DYNC1I1: variants seen among roughly 807,000 people sequenced by gnomAD.
DYNC1I1 encodes cytoplasmic dynein 1 intermediate chain 1.
Under a neutral mutation model 86.6 loss-of-function variants are expected in DYNC1I1, and 43 were observed. The ratio of observed to expected loss-of-function variants is 0.50; its 90% CI spans 0.39 to 0.64. The LOEUF (loss-of-function observed/expected upper bound fraction) is 0.64. Among genes scored for constraint, DYNC1I1 ranks in the 30% least tolerant of loss-of-function variants. The pLI is 0.00. For missense variants in DYNC1I1, 604 were observed against 788.8 expected, an observed-to-expected ratio of 0.77 and a Z score of 2.81; for synonymous variants, 262 against 283.7, an observed-to-expected ratio of 0.92 and a Z score of 0.77.
intron 10 of DYNC1I1, among the ~76,000 whole-genome samples, chr7:96,014,991 T>G (rs1210597254): frequency 6.6e-6 from 1 of 152,150 alleles, no homozygotes; most frequent in Non-Finnish European, 1.5e-5. Flanking sequence ...CCTTCCTTTT[T>G]TTCAACTCCT....
chr7:95,992,682 C>T (rs1289546299), intron 9 of DYNC1I1, among the ~76,000 whole-genome samples: 1 of 151,918 alleles, frequency 6.6e-6, no homozygotes, highest in African/African-American at 2.4e-5. Context: ...TGCAGTGGTG[C>T]ACTCTTAGCT....
At chr7:95,840,464 T>C (rs1789250627) in intron 5 of DYNC1I1, among the ~76,000 whole-genome samples, 1 of 152,226 alleles carries the variant, frequency 6.6e-6, no homozygotes, top group Non-Finnish European at 1.5e-5. Flanking sequence ...GATTCTCACA[T>C]TGTTCATGCA....
intron 10 of DYNC1I1, among the ~76,000 whole-genome samples, chr7:95,996,477 A>T (rs1374369062): frequency 6.6e-6 from 1 of 152,188 alleles, no homozygotes; most frequent in Non-Finnish European, 1.5e-5. Flanking sequence ...GATTTTGCTG[A>T]CTTTAAGTTT....
At chr7:95,841,588 A>T (rs887836450) in intron 5 of DYNC1I1, among the ~76,000 whole-genome samples, 1 of 151,880 alleles carries the variant, frequency 6.6e-6, no homozygotes, top group Non-Finnish European at 1.5e-5. Flanking sequence ...CAAGCAGCAG[A>T]TGAAAAAAAT....
chr7:95,897,040 G>A (rs1790899500), intron 6 of DYNC1I1, among the ~76,000 whole-genome samples: 1 of 152,182 alleles, frequency 6.6e-6, no homozygotes, highest in Non-Finnish European at 1.5e-5. Context: ...AAAGTTGATA[G>A]ACCAGGATTT....
intron 9 of DYNC1I1, among the ~76,000 whole-genome samples, chr7:95,987,780 A>C (rs1332865457): frequency 6.6e-6 from 1 of 152,186 alleles, no homozygotes; most frequent in Non-Finnish European, 1.5e-5. Context: ...GTCCCATAGA[A>C]TCTTAAATGA....
intron 6 of DYNC1I1, among the ~76,000 whole-genome samples, chr7:95,882,208 G>A (rs1053591495): frequency 6.6e-6 from 1 of 152,026 alleles, no homozygotes; most frequent in Non-Finnish European, 1.5e-5. Context: ...TGACAAAATG[G>A]TTGGAAAAAA....
intron 6 of DYNC1I1, among the ~76,000 whole-genome samples, chr7:95,932,402 A>G (rs1791922481): frequency 6.6e-6 from 1 of 152,212 alleles, no homozygotes. Context: ...CAAACATGAC[A>G]GTGGGCATTA....
intron 14 of DYNC1I1, among the ~76,000 whole-genome samples, chr7:96,047,875 A>G (rs1318996685): frequency 6.6e-6 from 1 of 152,198 alleles, no homozygotes; most frequent in Non-Finnish European, 1.5e-5. Flanking sequence ...AAGCTATTGG[A>G]ATAAAAATTA....
At chr7:95,954,894 C>A in intron 6 of DYNC1I1, among the ~76,000 whole-genome samples, 1 of 106,914 alleles carries the variant, frequency 9.4e-6, no homozygotes, top group African/African-American at 3.7e-5. Flanking sequence ...CCAGCCTGGG[C>A]AACAGAGCAA....
At chr7:95,932,819 TAC>T (rs1232689201) in intron 6 of DYNC1I1, among the ~76,000 whole-genome samples, 1 of 152,124 alleles carries the variant, frequency 6.6e-6, no homozygotes, top group Admixed American at 6.5e-5. Flanking sequence ...GCATAAGACT[TAC>T]AGTAGCACAT....
intron 4 of DYNC1I1, among the ~76,000 whole-genome samples, chr7:95,819,689 G>A (rs1795031581): frequency 6.6e-6 from 1 of 152,154 alleles, no homozygotes; most frequent in Admixed American, 6.5e-5. Flanking sequence ...TATATAAAGA[G>A]AGATTGACAG....
intron 6 of DYNC1I1, among the ~76,000 whole-genome samples, chr7:95,939,418 T>A (rs1369062701): frequency 2.3e-4 from 35 of 152,240 alleles, no homozygotes; most frequent in African/African-American, 7.7e-4. Context: ...CCCATTATTA[T>A]TGTGTGGGAG....
At chr7:95,850,237 A>G (rs1459030538) in intron 5 of DYNC1I1, among the ~76,000 whole-genome samples, 1 of 152,154 alleles carries the variant, frequency 6.6e-6, no homozygotes, top group Non-Finnish European at 1.5e-5. Context: ...GACTTCCAGG[A>G]CTATGCTGAA....
intron 6 of DYNC1I1, among the ~76,000 whole-genome samples, chr7:95,903,490 AAAAT>A (rs1562939044): frequency 6.6e-6 from 1 of 152,208 alleles, no homozygotes. Flanking sequence ...AAAAGTGAAG[AAAAT>A]AAGTGGAGCT....
intron 14 of DYNC1I1, among the ~76,000 whole-genome samples, chr7:96,063,465 C>G (rs1789855719): frequency 6.6e-6 from 1 of 152,204 alleles, no homozygotes; most frequent in South Asian, 2.1e-4. Context: ...GAAATGCATC[C>G]TCTCATAGTT....
Position 95,840,243 on chromosome 7 carries a change from T to C in DYNC1I1, c.374+12127T>C, listed in dbSNP as rs1314932258. Among the ~76,000 whole-genome samples, 5 of 151,904 alleles carry C rather than the reference T, an allele frequency of 3.3e-5. No individual in the cohort carries two copies. In the East Asian group the frequency reaches 9.6e-4, roughly 29 times the overall value. On this transcript the variant is annotated intron_variant, in intron 5 of 16. Coordinates refer to ENST00000447467, the MANE Select transcript of DYNC1I1 (RefSeq NM_001135556.2). Reference sequence around the variant, plus strand: ...ATGTTACCCTGTAATTCTCTTAATATATCTTCACTGTTTTTTATTCTTTTT... The same window carrying C: ...ATGTTACCCTGTAATTCTCTTAATACATCTTCACTGTTTTTTATTCTTTTT...
At chr7:95,846,843 A>G (rs1235258392) in intron 5 of DYNC1I1, among the ~76,000 whole-genome samples, 1 of 152,208 alleles carries the variant, frequency 6.6e-6, no homozygotes, top group African/African-American at 2.4e-5. Context: ...CTGTCATTGT[A>G]AAATGTCTGT....
intron 13 of DYNC1I1, among the ~76,000 whole-genome samples, 197 bp downstream of exon 13, chr7:96,035,949 T>C (rs958947067): frequency 1.3e-5 from 2 of 152,160 alleles, no homozygotes; most frequent in African/African-American, 2.4e-5. Context: ...TGGTTCACAC[T>C]GCCTTGAGGG....
Sources: allele counts gnomAD v4.1 joint callset (sites outside exome capture counted in the v4.1 genomes callset), GRCh38; gene constraint gnomAD v4.1.1; transcripts MANE v1.5; gene names NCBI Gene and HGNC (gene_info 2026-07-23, HGNC 2026-07-21).